Variants in KCTD2 observed in about 807,000 individuals in gnomAD.
KCTD2 encodes potassium channel tetramerization domain containing 2, also known as BTB/POZ domain-containing protein KCTD2.
Under a neutral mutation model 27.9 loss-of-function variants are expected in KCTD2, and 18 were observed. The observed-to-expected ratio is 0.64, with a 90% CI of 0.45 to 0.96. KCTD2 has a LOEUF of 0.96. Among genes scored for constraint, KCTD2 ranks in the 40% least tolerant of loss-of-function variants. The pLI, the probability that KCTD2 is intolerant of heterozygous loss-of-function variation, is 0.00. For missense variants in KCTD2, 280 were observed against 348.0 expected (o/e 0.80, Z 1.56); for synonymous variants, 175 against 148.4 (o/e 1.18, Z -1.30).
chr17:75,042,732 C>CA (rs1176879523), upstream of KCTD2: 11 of 1,405,236 alleles, frequency 7.8e-6, no homozygotes, highest in African/African-American at 1.6e-4. Flanking sequence ...TGATAAATAA[C>CA]AAAATAAGAG....
chr17:75,059,224 C>T, intron 3 of KCTD2: 1 of 221,150 alleles, frequency 4.5e-6, no homozygotes. Flanking sequence ...CTCTGAAGTT[C>T]AGAATTATTT....
Position 75,063,080 on chromosome 17 carries a change from G to A in KCTD2, c.*33G>A, listed in dbSNP as rs2073421164. 2.5e-6 allele frequency: 4 copies of A among 1,607,870 alleles called. No homozygotes were observed. Among genetic ancestry groups the A allele is most frequent in the Non-Finnish European group, 2.6e-6 (3 of 1,174,850 alleles). On this transcript the variant is annotated 3_prime_UTR_variant, in exon 6 of 6. Coordinates refer to ENST00000322444, the MANE Select transcript of KCTD2 (RefSeq NM_015353.3). ...CCCCGAAAACTCCAGACCTTCAGGA[G>A]AGCAGTCAGCAGAGCCCCTCTGTGA...
chr17:75,055,263 C>G (rs1273567004), intron 3 of KCTD2, among the ~76,000 whole-genome samples: 2 of 151,876 alleles, frequency 1.3e-5, no homozygotes, highest in Non-Finnish European at 2.9e-5. Flanking sequence ...CCATATTGAC[C>G]AGGCTGGTCT....
chr17:75,055,941 G>A (rs1288296433), intron 3 of KCTD2, among the ~76,000 whole-genome samples: 1 of 152,058 alleles, frequency 6.6e-6, no homozygotes, highest in Non-Finnish European at 1.5e-5. Context: ...TGAGGCAGGA[G>A]AATCGCTTGA....
At chr17:75,058,038 A>T (rs553697719) in intron 3 of KCTD2, among the ~76,000 whole-genome samples, 6 of 150,396 alleles carry the variant, frequency 4.0e-5, no homozygotes, top group African/African-American at 1.5e-4. Context: ...AATCCAAAAA[A>T]ATTGGCTGGG....
rs944263756 is a variant in KCTD2, at chr17:75,059,514, C to T, written c.545C>T (p.Pro182Leu). The part of the protein sequence containing the change: ...RDNENRTSQG[P>L]VKHVYRVLQC... Reference sequence around the variant, plus strand: ...GTCTGCGCCTGGTCATTGCAGGGCCCCGTGAAGCACGTGTACAGAGTCCTG... The same window carrying T: ...GTCTGCGCCTGGTCATTGCAGGGCCTCGTGAAGCACGTGTACAGAGTCCTG... Residue 182 changes from proline (P) to leucine (L), a missense_variant, in exon 4 of 6, where the codon CCC (proline) becomes CTC (leucine). Pro to Leu is a moderately conservative substitution (Grantham distance 98, BLOSUM62 -3). Transcript: ENST00000322444. 3 of 1,612,046 alleles carry T rather than the reference C, an allele frequency of 1.9e-6. No homozygotes were observed. The highest frequency in any genetic ancestry group is 2.5e-6 in the Non-Finnish European group (3 of 1,178,704).
rs1176446243 is a variant in KCTD2, at chr17:75,063,230, C to T, written c.*183C>T. 1 of 637,336 alleles carries T rather than the reference C, an allele frequency of 1.6e-6. No individual in the cohort carries two copies. Among genetic ancestry groups the T allele is most frequent in the East Asian group, 2.7e-5 (1 of 36,542 alleles). The allele number at this position is 637,336 out of a possible 1,614,324, so 39.5% of individuals were successfully genotyped here. Reference sequence around the variant, plus strand: ...CTCCCCACCTGCAGGACTCCGAAGACAGTGCGACTTCTGGCTGCAGAATAC... The same window carrying T: ...CTCCCCACCTGCAGGACTCCGAAGATAGTGCGACTTCTGGCTGCAGAATAC... On this transcript the variant is annotated 3_prime_UTR_variant, in exon 6 of 6. Coordinates refer to ENST00000322444, the MANE Select transcript of KCTD2 (RefSeq NM_015353.3).
At chr17:75,042,293 G>A (rs2073169565), upstream of KCTD2, 1 of 1,612,628 alleles carries the variant, frequency 6.2e-7, no homozygotes, top group Non-Finnish European at 8.5e-7. Flanking sequence ...CACAAGGAAA[G>A]GCAAAAGTTA....
intron 4 of KCTD2, among the ~76,000 whole-genome samples, chr17:75,060,230 A>G (rs62086358): frequency 6.6e-6 from 1 of 151,112 alleles, no homozygotes; most frequent in Admixed American, 6.6e-5. Context: ...GAGTAAATAC[A>G]ATTTTTTTTT....
At chr17:75,037,071 G>A (rs935919278) in intron 3 of KCTD2, among the ~76,000 whole-genome samples, 1 of 152,154 alleles carries the variant, frequency 6.6e-6, no homozygotes, top group Non-Finnish European at 1.5e-5. Flanking sequence ...TGGGCCAGGT[G>A]CGGTGGCTCA....
At chr17:75,038,771 T>C in intron 3 of KCTD2, 2 of 817,624 alleles carry the variant, frequency 2.4e-6, no homozygotes, top group Non-Finnish European at 3.7e-6. Flanking sequence ...GAGGCTCACC[T>C]TTCCATTTAA....
chr17:75,062,165 G>T lies in KCTD2; in HGVS notation c.682G>T (p.Ala228Ser). Residue 228 changes from alanine to serine, a missense_variant, in exon 5 of 6, where the codon GCA (alanine) becomes TCA (serine). Coordinates refer to ENST00000322444, the MANE Select transcript of KCTD2 (RefSeq NM_015353.3). Reference sequence around the variant, plus strand: ...CTATAACTACGGCAATGAGGATCAGGCAGAATTCCTCTGTGTTGTCTCCAG... The same window carrying T: ...CTATAACTACGGCAATGAGGATCAGTCAGAATTCCTCTGTGTTGTCTCCAG... ...SSYNYGNEDQ[A>S]EFLCVVSREL... is the part of the protein sequence containing the mutation. 6.2e-7 allele frequency: 1 copy of T among 1,613,916 alleles called. No individual in the cohort carries two copies. The highest frequency in any genetic ancestry group is 1.1e-5 in the South Asian group (1 of 91,052).
At chr17:75,047,686 C>G (rs532554745) in intron 1 of KCTD2, 97 bp downstream of exon 1, 1 of 1,278,784 alleles carries the variant, frequency 7.8e-7, no homozygotes, top group African/African-American at 1.5e-5. Flanking sequence ...TCACAGGCAG[C>G]CCCCTCAGGC....
intron 3 of KCTD2, among the ~76,000 whole-genome samples, chr17:75,036,241 GCAGA>G (rs201751897): frequency 2.6e-4 from 40 of 151,522 alleles, no homozygotes; most frequent in African/African-American, 9.2e-4. Context: ...TTTGTCTGCA[GCAGA>G]CAAACAAGCT....
chr17:75,060,831 C>T (rs929162053), intron 4 of KCTD2, among the ~76,000 whole-genome samples: 3 of 152,264 alleles, frequency 2.0e-5, no homozygotes, highest in Non-Finnish European at 2.9e-5. Context: ...TAAAAGAAAA[C>T]TCACACTTTG....
rs530089508 is a variant in KCTD2, at chr17:75,034,467, T to G, written c.-385+350T>G. ...GGACTCGAACCCACAATCCCTGGCT[T>G]AGGAGGCCAGTGCCTTATCCATTAG... On this transcript the variant is annotated intron_variant, in intron 2 of 7. Coordinates refer to the KCTD2 transcript ENST00000581589. Among the ~76,000 whole-genome samples the G allele has an allele frequency of 3.1e-4, 47 of 152,198 alleles. 1 individual carries two copies. Among genetic ancestry groups the G allele is most frequent in the Non-Finnish European group, 5.4e-4 (37 of 67,996 alleles).
intron 3 of KCTD2, chr17:75,040,044 G>A (rs374481275): frequency 1.7e-5 from 27 of 1,599,212 alleles, no homozygotes; most frequent in Non-Finnish European, 2.3e-5. Flanking sequence ...ATAGAGAGCT[G>A]TCAAGATCAA....
At chr17:75,042,074 C>A in intron 3 of KCTD2, 1 of 981,470 alleles carries the variant, frequency 1.0e-6, no homozygotes, top group Non-Finnish European at 1.5e-6. Context: ...CCTTCCTAAG[C>A]TTCCTTAGGG....
At chr17:75,047,712 CCCCT>C in intron 1 of KCTD2, 123 bp downstream of exon 1, 1 of 885,786 alleles carries the variant, frequency 1.1e-6, no homozygotes, top group East Asian at 3.2e-5. Flanking sequence ...CCCCATCCTC[CCCCT>C]CCCTCCCACA....
Sources: gnomAD v4.1 joint callset for allele counts (sites outside exome capture counted in the v4.1 genomes callset) on GRCh38, gnomAD v4.1.1 for gene constraint, MANE v1.5 for transcripts, NCBI Gene and HGNC (gene_info 2026-07-23, HGNC 2026-07-21) for gene names.